The following SPNS2 variants were observed in gnomAD, a reference collection of about 807,000 sequenced individuals.
SPNS2 encodes sphingosine-1-phosphate transporter SPNS2.
In SPNS2, 37 loss-of-function variants were observed where a neutral mutation model predicts 57.6. The ratio of observed to expected loss-of-function variants is 0.64; its 90% CI spans 0.49 to 0.85. The LOEUF (loss-of-function observed/expected upper bound fraction) is 0.85. SPNS2 is among the 40% of genes least tolerant of loss of function. SPNS2 has a pLI of 0.00. For synonymous variants in SPNS2, 440 were observed against 346.9 expected, an observed-to-expected ratio of 1.27 and a Z score of -2.98; for missense variants, 831 against 779.1, an observed-to-expected ratio of 1.07 and a Z score of -0.79.
chr17:4,527,390 G>T (rs1905285833), intron 3 of SPNS2, among the ~76,000 whole-genome samples: 1 of 152,338 alleles, frequency 6.6e-6, no homozygotes, highest in Non-Finnish European at 1.5e-5. Flanking sequence ...GATGAAAGTT[G>T]CATCTCAAAT....
rs765152792 is a variant in SPNS2 at position 4,536,477 on chromosome 17, G to C, written c.1607+51G>C. ...GCTGCACCGCCGGGAAGCAGGGACC[G>C]TGATAGCCACCGTGAGCCCTGCCCT... On this transcript the variant is annotated intron_variant, in intron 11 of 12. Coordinates refer to ENST00000329078, the MANE Select transcript of SPNS2 (RefSeq NM_001124758.3). 10 of 1,563,138 alleles carry C rather than the reference G, an allele frequency of 6.4e-6. No individual in the cohort carries two copies. In the African/African-American group the frequency reaches 9.4e-5, roughly 15 times the overall value.
intron 11 of SPNS2, 49 bp downstream of exon 11, chr17:4,536,475 C>T (rs1364639925): frequency 6.4e-7 from 1 of 1,564,048 alleles, no homozygotes; most frequent in Non-Finnish European, 8.7e-7. Context: ...GAAGCAGGGA[C>T]CGTGATAGCC....
In SPNS2 at chr17:4,513,248, C is replaced by T. The variant is rs200374934; in HGVS notation, c.372C>T (p.Gly124=). 30 of 1,613,910 alleles carry T rather than the reference C, an allele frequency of 1.9e-5. No individual in the cohort carries two copies. In the East Asian group the frequency reaches 2.9e-4, roughly 16 times the overall value. ...LNYLDRYTVA[G]VLLDIQQHFG... ...GAGCACCCTCTGTCTTCCCTCCAGG[C>T]GTCCTTCTGGACATCCAGCAGCACT... is the stretch of plus-strand genomic sequence containing the variant. The change falls in exon 2 of 13, where the codon GGC becomes GGT. Residue 124 remains glycine, a splice_region_variant and synonymous_variant. Transcript: ENST00000329078.
Position 4,533,403 on chromosome 17 carries a change from G to T in SPNS2, c.1249G>T (p.Ala417Ser). 1 of 1,608,014 alleles carries T rather than the reference G, an allele frequency of 6.2e-7. No individual in the cohort carries two copies. ...CATCTTCATCTGCCTGATCTTCGTGGCTGCCAAGAGCAGCATCGTAGGAGC... is the reference window on the plus strand; with the variant it reads ...CATCTTCATCTGCCTGATCTTCGTGTCTGCCAAGAGCAGCATCGTAGGAGC... Reference protein sequence around the residue: ...SAIFICLIFVAAKSSIVGAYI... With the variant: ...SAIFICLIFVSAKSSIVGAYI... Residue 417 changes from alanine (A) to serine (S), a missense_variant, in exon 8 of 13, where the codon GCT becomes TCT. Physicochemically the swap from Ala to Ser is moderately conservative, Grantham distance 99 (BLOSUM62 1). Transcript: ENST00000329078.
At position 4,536,435 on chromosome 17, in the gene SPNS2, G is replaced by GGGT. The variant is rs1905811655; in HGVS notation, c.1607+11_1607+12insTGG. On this transcript the variant is annotated intron_variant, in intron 11 of 12. Coordinates refer to ENST00000329078, the MANE Select transcript of SPNS2 (RefSeq NM_001124758.3). ...GCCAGGGCTGAGCAGCAGTGAGTGG[G>GGGT]GGGGAGGGGAGGCCCTGCTGCACCG... The GGGT allele has an allele frequency of 6.3e-7, 1 of 1,592,040 alleles. No homozygotes were observed. Among genetic ancestry groups the GGGT allele is most frequent in the Non-Finnish European group, 8.5e-7 (1 of 1,174,954 alleles).
In SPNS2 at chr17:4,499,759, C is replaced by T. The variant is rs1183469984; in HGVS notation, c.370+342C>T. On this transcript the variant is annotated intron_variant, in intron 1 of 12. Coordinates refer to ENST00000329078, the MANE Select transcript of SPNS2 (RefSeq NM_001124758.3). The surrounding 1 kb of genome is among the most constrained non-coding windows in gnomAD (Gnocchi z 5.2). ...CTCTCTGTCTCCTTGTCTCTGCGCC[C>T]CCTCCGACCCCAGCTGCCGGTTCCC... The T allele has an allele frequency of 5.0e-6, 1 of 201,430 alleles. No individual in the cohort carries two copies. Among genetic ancestry groups the T allele is most frequent in the Non-Finnish European group, 1.0e-5 (1 of 100,086 alleles). The allele number at this position is 201,430 out of a possible 1,614,324, so 12.5% of individuals were successfully genotyped here. A position where few individuals can be genotyped will look rare whatever the true frequency, so the allele number is the denominator to read the frequency against.
At chr17:4,521,480 A>T (rs995441221) in intron 2 of SPNS2, among the ~76,000 whole-genome samples, 1 of 152,140 alleles carries the variant, frequency 6.6e-6, no homozygotes, top group Non-Finnish European at 1.5e-5. Context: ...GGCATTAAGC[A>T]CCTTGCACGT....
At chr17:4,519,255 C>T (rs952352166) in intron 2 of SPNS2, among the ~76,000 whole-genome samples, 3 of 152,228 alleles carry the variant, frequency 2.0e-5, no homozygotes, top group Admixed American at 6.5e-5. Flanking sequence ...GCTCAGGGCT[C>T]CCTCAAGCTC....
chr17:4,524,906 C>T, intron 2 of SPNS2, 151 bp from the exon 3 acceptor site: 1 of 1,093,918 alleles, frequency 9.1e-7, no homozygotes, highest in Non-Finnish European at 1.3e-6. Context: ...TCCCACCTTC[C>T]TGGGGTGCAG....
chr17:4,522,201 A>C (rs1209801002), intron 2 of SPNS2, among the ~76,000 whole-genome samples: 1 of 152,104 alleles, frequency 6.6e-6, no homozygotes. Flanking sequence ...TCCATCTCAG[A>C]AAAAAAAGAA....
chr17:4,535,874 G>A (rs1477773633), intron 9 of SPNS2, among the ~76,000 whole-genome samples: 1 of 151,928 alleles, frequency 6.6e-6, no homozygotes, highest in Non-Finnish European at 1.5e-5. Context: ...GTGACTGGCA[G>A]GAGAGAAGCA....
chr17:4,534,999 G>A (rs898369909), intron 9 of SPNS2, among the ~76,000 whole-genome samples: 5 of 152,150 alleles, frequency 3.3e-5, no homozygotes, highest in Non-Finnish European at 2.9e-5. Context: ...TCAGATTCAG[G>A]CCCTTTTCCA....
chr17:4,516,196 C>T (rs1443189658), intron 2 of SPNS2, among the ~76,000 whole-genome samples: 1 of 151,976 alleles, frequency 6.6e-6, no homozygotes, highest in East Asian at 1.9e-4. Flanking sequence ...TGCCTGTAAT[C>T]CCAGCTACTC....
chr17:4,516,952 CAT>C (rs1266363782), intron 2 of SPNS2, among the ~76,000 whole-genome samples: 1 of 152,136 alleles, frequency 6.6e-6, no homozygotes, highest in Non-Finnish European at 1.5e-5. Flanking sequence ...TTTAAACAGA[CAT>C]AAAAAGTAGT....
Position 4,536,217 on chromosome 17 carries a change from A to G in SPNS2, c.1443+43A>G, listed in dbSNP as rs11658114. ...GGGGCTGGCCAGGGCAGGCTGGGGG[A>G]CTGCAGGAGGGCTCTGCCCTGACAT... On this transcript the variant is annotated intron_variant, in intron 10 of 12. Transcript: ENST00000329078. The G allele has an allele frequency of 0.35, 554,417 of 1,606,220 alleles. 97,962 individuals carry two copies. The highest frequency in any genetic ancestry group is 0.53 in the East Asian group (23,702 of 44,656).
At chr17:4,504,772 T>C (rs2144305299) in intron 1 of SPNS2, among the ~76,000 whole-genome samples, 1 of 152,016 alleles carries the variant, frequency 6.6e-6, no homozygotes, top group Middle Eastern at 3.4e-3. Context: ...TGGGCTGAGC[T>C]TCCTGTTCCT....
chr17:4,534,506 G>A (rs1162496041), intron 9 of SPNS2: 1 of 154,064 alleles, frequency 6.5e-6, no homozygotes, highest in Non-Finnish European at 1.4e-5. Context: ...TCTGGGAGGT[G>A]TCAGGGCAGG....
intron 1 of SPNS2, among the ~76,000 whole-genome samples, chr17:4,503,734 C>T (rs1337297841): frequency 2.0e-5 from 3 of 152,212 alleles, no homozygotes; most frequent in Non-Finnish European, 4.4e-5. Context: ...GCAGCCTGGG[C>T]ACTTGGAGTT....
chr17:4,500,679 G>A (rs985437005), intron 1 of SPNS2, among the ~76,000 whole-genome samples: 21 of 150,450 alleles, frequency 1.4e-4, no homozygotes, highest in Non-Finnish European at 1.9e-4. Flanking sequence ...AGGGAAGAGA[G>A]CCCGGGCATA....
Sources: allele counts gnomAD v4.1 joint callset (sites outside exome capture counted in the v4.1 genomes callset), GRCh38; gene constraint gnomAD v4.1.1; non-coding constraint Gnocchi (gnomAD v3.1); transcripts MANE v1.5; gene names NCBI Gene and HGNC (gene_info 2026-07-23, HGNC 2026-07-21).